Variants in PCIF1 observed in about 807,000 individuals in gnomAD.
PCIF1 encodes phosphorylated CTD interacting factor 1, also known as mRNA (2'-O-methyladenosine-N(6)-)-methyltransferase.
Under a neutral mutation model 86.9 loss-of-function variants are expected in PCIF1, and 12 were observed. The ratio of observed to expected loss-of-function variants is 0.14; its 90% CI spans 0.09 to 0.22. The LOEUF (loss-of-function observed/expected upper bound fraction) is 0.22, where lower values mean the gene tolerates loss of function less well. PCIF1 is among the 10% of genes least tolerant of loss of function. The pLI is 1.00. For synonymous variants in PCIF1, 397 were observed against 372.0 expected (o/e 1.07, Z -0.77); for missense variants, 701 against 951.1 (o/e 0.74, Z 3.46).
At position 45,945,712 on chromosome 20, in the gene PCIF1, G is replaced by GGAGGTGGAGGCCCCT. The variant is rs1002866059; in HGVS notation, c.1180_1194dup (p.Ala394_Glu398dup). ...CCTCACTGCTCTCCCTGCCCACAGAGGAGGTGGAGGCCCCTGAGGTGGAGC... is the reference window on the plus strand; with the variant it reads ...CCTCACTGCTCTCCCTGCCCACAGAGGAGGTGGAGGCCCCTGAGGTGGAGGCCCCTGAGGTGGAGC... On this transcript the variant is annotated inframe_insertion and splice_region_variant, in exon 12 of 17. Transcript: ENST00000372409. The GGAGGTGGAGGCCCCT allele has an allele frequency of 5.0e-6, 8 of 1,612,176 alleles. No individual in the cohort carries two copies. Among genetic ancestry groups the GGAGGTGGAGGCCCCT allele is most frequent in the Non-Finnish European group, 6.8e-6 (8 of 1,178,728 alleles).
At chr20:45,946,998 G>GT in intron 14 of PCIF1, 75 bp from the exon 15 acceptor site, 3 of 1,296,762 alleles carry the variant, frequency 2.3e-6, no homozygotes, top group Non-Finnish European at 3.3e-6. Context: ...GCTGCCTAGG[G>GT]TTGGGGGGTG....
In PCIF1 at chr20:45,947,801, G is replaced by A; in HGVS notation, c.*46G>A. Reference sequence around the variant, plus strand: ...AGCCCCAGGGGTGCTAGTCTGGACTGCTGGGACTCGGGCCCCTGGGGCCTC... The same window carrying A: ...AGCCCCAGGGGTGCTAGTCTGGACTACTGGGACTCGGGCCCCTGGGGCCTC... On this transcript the variant is annotated 3_prime_UTR_variant, in exon 17 of 17. Coordinates refer to ENST00000372409, the MANE Select transcript of PCIF1 (RefSeq NM_022104.4). The surrounding 1 kb of genome is among the most constrained non-coding windows in gnomAD (Gnocchi z 5.4). 6.4e-7 allele frequency: 1 copy of A among 1,572,528 alleles called. No individual in the cohort carries two copies. Among genetic ancestry groups the A allele is most frequent in the Non-Finnish European group, 8.5e-7 (1 of 1,170,202 alleles).
chr20:45,946,523 G>A (rs1373060389), intron 14 of PCIF1, 139 bp downstream of exon 14: 2 of 1,074,378 alleles, frequency 1.9e-6, no homozygotes, highest in African/African-American at 3.2e-5. Flanking sequence ...TGTGACCTTG[G>A]ACATGTTGCT....
chr20:45,947,140 A>G lies in PCIF1; in HGVS notation c.1681A>G (p.Met561Val). 2 of 1,613,402 alleles carry G rather than the reference A, an allele frequency of 1.2e-6. No homozygotes were observed. Among genetic ancestry groups the G allele is most frequent in the Non-Finnish European group, 1.7e-6 (2 of 1,179,440 alleles). Residue 561 changes from methionine to valine, a missense_variant, in exon 15 of 17, where the codon ATG becomes GTG. Coordinates refer to ENST00000372409, the MANE Select transcript of PCIF1 (RefSeq NM_022104.4). This position sits in a 1 kb window ranked among gnomAD's most constrained non-coding sequence, Gnocchi z 5.4. ...CAACCCTCCCTTCTGCGAGGAGCTC[A>G]TGGATGCCATGGTCTCTCACTTTGA... ...EANPPFCEEL[M>V]DAMVSHFERL...
chr20:45,939,020 CAGCCCCCGGGAG>C lies in PCIF1; in HGVS notation c.22_33del (p.Ser8_Glu11del), dbSNP rs1568791152. 3 of 1,614,056 alleles carry C rather than the reference CAGCCCCCGGGAG, an allele frequency of 1.9e-6. No homozygotes were observed. Among genetic ancestry groups the C allele is most frequent in the Non-Finnish European group, 2.5e-6 (3 of 1,179,994 alleles). On this transcript the variant is annotated inframe_deletion, in exon 3 of 17. Transcript: ENST00000372409. ...TGGAGATGGCCAATGAGAATCACGG[CAGCCCCCGGGAG>C]GAAGCGTCCCTGCTGAGTCACTCCC...
At chr20:45,945,166 C>T (rs1288676402) in intron 11 of PCIF1, 136 bp downstream of exon 11, 39 of 1,080,544 alleles carry the variant, frequency 3.6e-5, no homozygotes, top group Non-Finnish European at 4.5e-5. Flanking sequence ...GGCTGTACTT[C>T]TCTGGGAAAC....
At position 45,941,058 on chromosome 20, in the gene PCIF1, A is replaced by C. The variant is rs199768942; in HGVS notation, c.524A>C (p.Tyr175Ser). The part of the protein sequence containing the change: ...QAALLRPTEV[Y>S]WDLDIQTNAV... ...ACTCCTCTCTGTGCCCCAAGGGTCTACTGGGACCTGGACATCCAGACCAAT... is the reference window on the plus strand; with the variant it reads ...ACTCCTCTCTGTGCCCCAAGGGTCTCCTGGGACCTGGACATCCAGACCAAT... The change falls in exon 7 of 17, where the codon TAC (tyrosine) becomes TCC (serine). Residue 175 changes from tyrosine (Y) to serine (S), a missense_variant. Around this residue, in one of 7 missense-constraint regions of PCIF1, gnomAD observed 125 missense variants for 126.8 expected, o/e 0.99. Coordinates refer to ENST00000372409, the MANE Select transcript of PCIF1 (RefSeq NM_022104.4). 442 of 1,614,038 alleles carry C rather than the reference A, an allele frequency of 2.7e-4. No homozygotes were observed. Among genetic ancestry groups the C allele is most frequent in the Non-Finnish European group, 2.0e-4 (241 of 1,180,032 alleles).
intron 4 of PCIF1, among the ~76,000 whole-genome samples, chr20:45,939,713 G>A (rs997505264): frequency 2.0e-5 from 3 of 152,234 alleles, no homozygotes; most frequent in African/African-American, 7.2e-5. Context: ...TCTGGGGAAG[G>A]CAAGGAGATG....
In PCIF1 at chr20:45,940,629, A is replaced by T; in HGVS notation, c.387+17A>T. 1 of 1,593,850 alleles carries T rather than the reference A, an allele frequency of 6.3e-7. No homozygotes were observed. Among genetic ancestry groups the T allele is most frequent in the Non-Finnish European group, 8.5e-7 (1 of 1,171,454 alleles). On this transcript the variant is annotated intron_variant, in intron 5 of 16. Coordinates refer to ENST00000372409, the MANE Select transcript of PCIF1 (RefSeq NM_022104.4). The stretch of plus-strand genomic sequence containing the variant: ...AAGCCCAAGGTGAGTGTCTGTGGCC[A>T]GGAGCCGGCTGCCGAGCGGCCGGCT...
chr20:45,942,916 T>C (rs1257705570), intron 7 of PCIF1, among the ~76,000 whole-genome samples, 181 bp from the exon 8 acceptor site: 2 of 152,142 alleles, frequency 1.3e-5, no homozygotes, highest in African/African-American at 4.8e-5. Flanking sequence ...CCTGGCTAGA[T>C]ACTTATCAAC....
At chr20:45,941,800 T>C (rs1331465395) in intron 7 of PCIF1, among the ~76,000 whole-genome samples, 2 of 151,636 alleles carry the variant, frequency 1.3e-5, no homozygotes, top group African/African-American at 4.9e-5. Context: ...TTGCCCAGGC[T>C]GGTCTTGTAC....
At chr20:45,940,644 A>T in intron 5 of PCIF1, 32 bp downstream of exon 5, 1 of 1,586,238 alleles carries the variant, frequency 6.3e-7, no homozygotes, top group Non-Finnish European at 8.6e-7. Context: ...CCGGCTGCCG[A>T]GCGGCCGGCT....
chr20:45,942,691 A>G (rs1433374551), intron 7 of PCIF1, among the ~76,000 whole-genome samples: 1 of 148,218 alleles, frequency 6.7e-6, no homozygotes, highest in Non-Finnish European at 1.5e-5. Flanking sequence ...CACAGCTCAC[A>G]GCAGCTTCAG....
chr20:45,946,194 C>G lies in PCIF1; in HGVS notation c.1429-6C>G. On this transcript the variant is annotated splice_polypyrimidine_tract_variant and splice_region_variant and intron_variant, in intron 13 of 16. Transcript: ENST00000372409. Reference sequence around the variant, plus strand: ...GCCCCAGGTGCTGACGGTGGCCACTCCGCAGATGATGTTCGGCGTGGGCCT... The same window carrying G: ...GCCCCAGGTGCTGACGGTGGCCACTGCGCAGATGATGTTCGGCGTGGGCCT... The G allele has an allele frequency of 2.5e-6, 4 of 1,614,198 alleles. No individual in the cohort carries two copies. The highest frequency in any genetic ancestry group is 3.4e-6 in the Non-Finnish European group (4 of 1,180,040).
intron 11 of PCIF1, 88 bp downstream of exon 11, chr20:45,945,118 C>A: frequency 6.9e-7 from 1 of 1,439,752 alleles, no homozygotes; most frequent in Non-Finnish European, 9.3e-7. Flanking sequence ...GCCTCAAGGC[C>A]AGGGACTGGT....
chr20:45,943,541 G>A lies in PCIF1; in HGVS notation c.905+118G>A. The A allele has an allele frequency of 1.5e-6, 2 of 1,334,072 alleles. No individual in the cohort carries two copies. Among genetic ancestry groups the A allele is most frequent in the Non-Finnish European group, 2.1e-6 (2 of 960,826 alleles). 82.6% of individuals were successfully genotyped at this position (1,334,072 alleles called of 1,614,324 possible). A position where few individuals can be genotyped will look rare whatever the true frequency, so the allele number is the denominator to read the frequency against. On this transcript the variant is annotated intron_variant, in intron 9 of 16. Transcript: ENST00000372409. This position sits in a 1 kb window ranked among gnomAD's most constrained non-coding sequence, Gnocchi z 5.5. ...GCTCTCGGTGGCAGAAGTGGGGCCA[G>A]CTCCCAAAGGCAGAACAAGGGCTGT...
chr20:45,945,633 G>A (rs899905627), intron 11 of PCIF1, 78 bp from the exon 12 acceptor site: 79 of 1,519,788 alleles, frequency 5.2e-5, no homozygotes, highest in African/African-American at 3.8e-4. Flanking sequence ...TCCCTCTCTC[G>A]GTACAAAGCA....
At chr20:45,942,875 A>G (rs766947603) in intron 7 of PCIF1, among the ~76,000 whole-genome samples, 3 of 149,334 alleles carry the variant, frequency 2.0e-5, no homozygotes, top group Non-Finnish European at 3.0e-5. Flanking sequence ...AGCCTTCCAA[A>G]GTGCTGAGAT....
chr20:45,943,517 C>T lies in PCIF1; in HGVS notation c.905+94C>T, dbSNP rs925796439. 7 of 1,382,672 alleles carry T rather than the reference C, an allele frequency of 5.1e-6. No homozygotes were observed. In the Admixed American group the frequency reaches 9.7e-5, roughly 19 times the overall value. The allele number at this position is 1,382,672 out of a possible 1,614,324, so 85.7% of individuals were successfully genotyped here. Reference sequence around the variant, plus strand: ...CCAGTCTCATGCAGGGCTGTCATTGCTCTCGGTGGCAGAAGTGGGGCCAGC... The same window carrying T: ...CCAGTCTCATGCAGGGCTGTCATTGTTCTCGGTGGCAGAAGTGGGGCCAGC... On this transcript the variant is annotated intron_variant, in intron 9 of 16. Transcript: ENST00000372409. The surrounding 1 kb of genome is among the most constrained non-coding windows in gnomAD (Gnocchi z 5.5).
Sources: allele counts gnomAD v4.1 joint callset (sites outside exome capture counted in the v4.1 genomes callset), GRCh38; gene constraint gnomAD v4.1.1; regional missense constraint gnomAD v4.1.1; non-coding constraint Gnocchi (gnomAD v3.1); transcripts MANE v1.5; gene names NCBI Gene and HGNC (gene_info 2026-07-23, HGNC 2026-07-21).